The following TMPRSS11F variants were observed in gnomAD, a reference collection of about 807,000 sequenced individuals.
TMPRSS11F encodes transmembrane serine protease 11F.
A neutral mutation model predicts 60.2 loss-of-function variants in TMPRSS11F; 47 were observed. The ratio of observed to expected loss-of-function variants is 0.78; its 90% CI spans 0.62 to 1.00. TMPRSS11F has a LOEUF of 1.00. TMPRSS11F is among the 50% of genes least tolerant of loss of function. The pLI is 0.00. For synonymous variants in TMPRSS11F, 166 were observed against 167.3 expected, an observed-to-expected ratio of 0.99 and a Z score of 0.06; for missense variants, 519 against 522.9, an observed-to-expected ratio of 0.99 and a Z score of 0.07.
chr4:68,115,176 C>T (rs1204226560), intron 1 of TMPRSS11F, among the ~76,000 whole-genome samples: 1 of 150,728 alleles, frequency 6.6e-6, no homozygotes, highest in Admixed American at 6.6e-5. Flanking sequence ...GGTGAAACCT[C>T]GTCTTTACTA....
intron 4 of TMPRSS11F, 99 bp from the exon 5 acceptor site, chr4:68,072,585 T>TA: frequency 1.3e-6 from 1 of 776,434 alleles, no homozygotes; most frequent in Non-Finnish European, 1.8e-6. Flanking sequence ...TAATGCATGA[T>TA]ACATGTGCAT....
chr4:68,072,867 C>G (rs970418498), intron 4 of TMPRSS11F, among the ~76,000 whole-genome samples: 2 of 152,108 alleles, frequency 1.3e-5, no homozygotes, highest in East Asian at 3.9e-4. Context: ...TGTCATTATT[C>G]TTTAGAAGTG....
rs778067456 is a variant in TMPRSS11F at position 68,090,628 on chromosome 4, G to A, written c.177C>T (p.Phe59=). The change falls in exon 3 of 10, where the codon TTC becomes TTT. Residue 59 remains phenylalanine (F), a synonymous_variant. Transcript: ENST00000356291. ...TGACTTTAAAAGAGGCAAGGTAATA[G>A]AAAGACTTATCATCTGAAAGGTAAA... is the stretch of plus-strand genomic sequence containing the variant. ...THFVVEDDKS[F]YYLASFKVTN... 1 of 1,595,358 alleles carries A rather than the reference G, an allele frequency of 6.3e-7. No individual in the cohort carries two copies. Among genetic ancestry groups the A allele is most frequent in the Non-Finnish European group, 8.5e-7 (1 of 1,170,436 alleles).
chr4:68,106,211 C>T (rs1367299326), intron 1 of TMPRSS11F, among the ~76,000 whole-genome samples: 1 of 152,168 alleles, frequency 6.6e-6, no homozygotes, highest in Non-Finnish European at 1.5e-5. Context: ...ATGGAGTACA[C>T]ATCAAAAGAG....
At chr4:68,103,764 A>G (rs1182166366) in intron 1 of TMPRSS11F, among the ~76,000 whole-genome samples, 1 of 152,160 alleles carries the variant, frequency 6.6e-6, no homozygotes, top group Non-Finnish European at 1.5e-5. Flanking sequence ...GGACATTTTA[A>G]CAATAGTAAT....
At chr4:68,086,423 A>G (rs959137469) in intron 3 of TMPRSS11F, among the ~76,000 whole-genome samples, 7 of 152,176 alleles carry the variant, frequency 4.6e-5, no homozygotes, top group African/African-American at 1.7e-4. Context: ...CCAATAAGTT[A>G]GAAAGATCTA....
chr4:68,066,885 G>T (rs993542619), intron 7 of TMPRSS11F, among the ~76,000 whole-genome samples: 1 of 148,014 alleles, frequency 6.8e-6, no homozygotes, highest in African/African-American at 2.5e-5. Flanking sequence ...AGTGAGCTGA[G>T]ATAGTGCCAC....
chr4:68,086,251 T>C (rs947352644), intron 3 of TMPRSS11F, among the ~76,000 whole-genome samples: 3 of 152,124 alleles, frequency 2.0e-5, no homozygotes, highest in Non-Finnish European at 4.4e-5. Flanking sequence ...ACATGGAAAT[T>C]AAGTAACTTG....
At chr4:68,060,273 G>A (rs532907352) in intron 8 of TMPRSS11F, among the ~76,000 whole-genome samples, 43 of 151,388 alleles carry the variant, frequency 2.8e-4, no homozygotes, top group Middle Eastern at 6.8e-3. Context: ...TTTGGGAAGC[G>A]GAGGCGGGCG....
In TMPRSS11F at chr4:68,059,352, T is replaced by C. The variant is rs780785746; in HGVS notation, c.1132A>G (p.Met378Val). The C allele has an allele frequency of 1.9e-6, 3 of 1,613,750 alleles. No homozygotes were observed. The highest frequency in any genetic ancestry group is 2.5e-6 in the Non-Finnish European group (3 of 1,179,950). ...TTACATGCATCTATTTTTCCTTCCA[T>C]GAATCCAGCACATAACATTCCTGGA... ...ITPGMLCAGF[M>V]EGKIDACKGD... is the part of the protein sequence containing the mutation. Residue 378 changes from methionine (M) to valine (V), a missense_variant, in exon 9 of 10, where the codon ATG becomes GTG. By Grantham distance (21) the Met-to-Val change is conservative (BLOSUM62 1). Transcript: ENST00000356291.
intron 1 of TMPRSS11F, among the ~76,000 whole-genome samples, chr4:68,129,553 T>C (rs991328377): frequency 6.6e-6 from 1 of 152,180 alleles, no homozygotes; most frequent in African/African-American, 2.4e-5. Context: ...AATATTAATA[T>C]AGTTAACTTA....
chr4:68,120,344 C>T (rs1428968392), intron 1 of TMPRSS11F, among the ~76,000 whole-genome samples: 1 of 150,798 alleles, frequency 6.6e-6, no homozygotes, highest in Non-Finnish European at 1.5e-5. Flanking sequence ...GAGTAAAATG[C>T]TATCAAACAG....
chr4:68,083,376 G>A (rs901389882), intron 3 of TMPRSS11F, among the ~76,000 whole-genome samples: 2 of 152,106 alleles, frequency 1.3e-5, no homozygotes, highest in Non-Finnish European at 2.9e-5. Flanking sequence ...TCTCTTCAAC[G>A]CCACAACCAC....
intron 1 of TMPRSS11F, among the ~76,000 whole-genome samples, chr4:68,124,220 TAAA>T (rs71218935): frequency 9.0e-5 from 13 of 144,474 alleles, no homozygotes; most frequent in South Asian, 2.2e-4. Context: ...GACTCTGTCT[TAAA>T]AAAAAAAAAA....
At chr4:68,122,708 A>C (rs1325930804) in intron 1 of TMPRSS11F, among the ~76,000 whole-genome samples, 1 of 152,208 alleles carries the variant, frequency 6.6e-6, no homozygotes, top group Non-Finnish European at 1.5e-5. Flanking sequence ...TGCCTGTTGA[A>C]TGAAAAACTT....
intron 4 of TMPRSS11F, 41 bp from the exon 5 acceptor site, chr4:68,072,527 T>C: frequency 7.1e-7 from 1 of 1,413,236 alleles, no homozygotes; most frequent in Non-Finnish European, 9.4e-7. Flanking sequence ...ATTTATCTAA[T>C]CATTAATGAC....
intron 8 of TMPRSS11F, chr4:68,062,575 T>G: frequency 1.2e-6 from 1 of 849,260 alleles, no homozygotes; most frequent in South Asian, 1.3e-5. Context: ...GCCATCTACG[T>G]ACTTGCCGTC....
intron 2 of TMPRSS11F, among the ~76,000 whole-genome samples, chr4:68,098,662 A>T (rs1163204722): frequency 2.0e-5 from 3 of 152,056 alleles, no homozygotes; most frequent in Admixed American, 2.0e-4. Flanking sequence ...TTTTTTATGT[A>T]TTTCTTTTAG....
At chr4:68,096,628 A>G (rs1724081899) in intron 2 of TMPRSS11F, among the ~76,000 whole-genome samples, 1 of 152,180 alleles carries the variant, frequency 6.6e-6, no homozygotes, top group Non-Finnish European at 1.5e-5. Flanking sequence ...CACTGATTTT[A>G]TTAATTCTTA....
Sources: gnomAD v4.1 joint callset for allele counts (sites outside exome capture counted in the v4.1 genomes callset) on GRCh38, gnomAD v4.1.1 for gene constraint, MANE v1.5 for transcripts, NCBI Gene and HGNC (gene_info 2026-07-23, HGNC 2026-07-21) for gene names.